Variants in DPYD observed in about 807,000 individuals in gnomAD.
The protein encoded by DPYD is dihydropyrimidine dehydrogenase [NADP(+)].
Under a neutral mutation model 116.2 loss-of-function variants are expected in DPYD, and 109 were observed. That is an observed-to-expected ratio of 0.94 (90% CI 0.80 to 1.10). The LOEUF is 1.10. Ranked by LOEUF, DPYD falls within the 50% of genes least tolerant of loss-of-function variation. The pLI, the probability that DPYD is intolerant of heterozygous loss-of-function variation, is 0.00. For missense variants in DPYD, 1,302 were observed against 1,254.5 expected, an observed-to-expected ratio of 1.04 and a Z score of -0.57; for synonymous variants, 440 against 432.0, an observed-to-expected ratio of 1.02 and a Z score of -0.23.
In DPYD at chr1:97,739,504, A is replaced by T. The variant is rs957359955; in HGVS notation, c.321+888T>A. The stretch of plus-strand genomic sequence containing the variant: ...TCTTTCAAGACCCTAAATTTATATA[A>T]AAGTATTTATCATTTTTCTCCTAAA... On this transcript the variant is annotated intron_variant, in intron 4 of 22. Coordinates refer to ENST00000370192, the MANE Select transcript of DPYD (RefSeq NM_000110.4). Among the ~76,000 whole-genome samples, 6 of 152,148 alleles carry T rather than the reference A, an allele frequency of 3.9e-5. No homozygotes were observed. In the East Asian group the frequency reaches 7.7e-4, roughly 20 times the overall value.
chr1:97,665,646 C>A (rs549526233), intron 8 of DPYD, among the ~76,000 whole-genome samples: 2 of 152,222 alleles, frequency 1.3e-5, no homozygotes, highest in African/African-American at 4.8e-5. Context: ...TATTCAATAT[C>A]CAGGTATTTT....
At chr1:97,363,919 G>A (rs774408060) in intron 16 of DPYD, among the ~76,000 whole-genome samples, 1 of 152,170 alleles carries the variant, frequency 6.6e-6, no homozygotes, top group Non-Finnish European at 1.5e-5. Flanking sequence ...CCTGCACGTT[G>A]TGCACATGTA....
At chr1:97,753,991 A>AT (rs1368193032) in intron 3 of DPYD, among the ~76,000 whole-genome samples, 1 of 152,146 alleles carries the variant, frequency 6.6e-6, no homozygotes, top group Non-Finnish European at 1.5e-5. Flanking sequence ...CTATAACCTC[A>AT]TGCAAGCTTT....
At chr1:97,157,389 A>C (rs1022731086) in intron 20 of DPYD, among the ~76,000 whole-genome samples, 3 of 152,144 alleles carry the variant, frequency 2.0e-5, no homozygotes, top group African/African-American at 7.2e-5. Context: ...ATCCCTTTTC[A>C]GTGTATTACC....
chr1:97,469,482 A>AT (rs1459500319), intron 13 of DPYD, among the ~76,000 whole-genome samples: 1 of 149,746 alleles, frequency 6.7e-6, no homozygotes, highest in African/African-American at 2.5e-5. Context: ...GTTGTAGTTG[A>AT]TTTTTTAAAA....
intron 2 of DPYD, among the ~76,000 whole-genome samples, chr1:97,846,385 T>A (rs566030351): frequency 6.6e-6 from 1 of 152,350 alleles, no homozygotes; most frequent in East Asian, 1.9e-4. Context: ...AGCAAATGAT[T>A]GAACCTAAGG....
intron 8 of DPYD, among the ~76,000 whole-genome samples, chr1:97,649,823 G>C (rs889977584): frequency 6.6e-6 from 1 of 151,906 alleles, no homozygotes; most frequent in Non-Finnish European, 1.5e-5. Context: ...CAGAAACTGG[G>C]ACACAGGCGA....
chr1:97,226,783 A>G (rs1661197590), intron 19 of DPYD, among the ~76,000 whole-genome samples: 2 of 152,208 alleles, frequency 1.3e-5, no homozygotes, highest in Non-Finnish European at 2.9e-5. Flanking sequence ...CAATAGTGTT[A>G]AAATATCCAT....
intron 20 of DPYD, among the ~76,000 whole-genome samples, chr1:97,115,852 C>T (rs1651926627): frequency 1.3e-5 from 2 of 152,018 alleles, no homozygotes; most frequent in South Asian, 2.1e-4. Context: ...AGACCTGAGG[C>T]CCACTTCTAA....
intron 19 of DPYD, among the ~76,000 whole-genome samples, chr1:97,195,491 G>A (rs1658688705): frequency 7.6e-6 from 1 of 131,064 alleles, no homozygotes; most frequent in Non-Finnish European, 1.6e-5. Context: ...AAACATACTA[G>A]GAGGTTCCAG....
At chr1:97,837,976 A>G (rs1186578391) in intron 2 of DPYD, among the ~76,000 whole-genome samples, 1 of 152,138 alleles carries the variant, frequency 6.6e-6, no homozygotes, top group Non-Finnish European at 1.5e-5. Flanking sequence ...CCAATTTTCT[A>G]TATTTCTTAT....
At chr1:97,140,400 C>T (rs966047138) in intron 20 of DPYD, among the ~76,000 whole-genome samples, 1 of 152,064 alleles carries the variant, frequency 6.6e-6, no homozygotes, top group African/African-American at 2.4e-5. Context: ...AATGCCGAAG[C>T]ATAGGAAATC....
chr1:97,736,838 G>C (rs1045064950), intron 4 of DPYD, among the ~76,000 whole-genome samples: 2 of 142,118 alleles, frequency 1.4e-5, no homozygotes, highest in Non-Finnish European at 3.0e-5. Context: ...GTGGGGGTGT[G>C]TGTGTGTGCA....
At chr1:97,113,261 T>C (rs986435272) in intron 20 of DPYD, among the ~76,000 whole-genome samples, 1 of 152,160 alleles carries the variant, frequency 6.6e-6, no homozygotes, top group Non-Finnish European at 1.5e-5. Flanking sequence ...CTCTCTGTTA[T>C]CTAGGGATGG....
intron 8 of DPYD, among the ~76,000 whole-genome samples, chr1:97,672,274 T>C (rs923501936): frequency 3.9e-5 from 6 of 152,268 alleles, no homozygotes; most frequent in Admixed American, 3.3e-4. Flanking sequence ...CCAGCCCCCA[T>C]TGCCTGCTTC....
chr1:97,098,070 G>T (rs1371288760), intron 21 of DPYD, among the ~76,000 whole-genome samples: 1 of 152,098 alleles, frequency 6.6e-6, no homozygotes, highest in Non-Finnish European at 1.5e-5. Context: ...CCAAACCAGA[G>T]AAAGTTTTTC....
intron 18 of DPYD, among the ~76,000 whole-genome samples, chr1:97,261,708 A>G (rs1242065866): frequency 1.3e-5 from 2 of 152,018 alleles, no homozygotes; most frequent in African/African-American, 4.8e-5. Flanking sequence ...AACTTAGGCT[A>G]GGCAGGCATT....
chr1:97,554,636 G>C (rs1203644318), intron 11 of DPYD, among the ~76,000 whole-genome samples: 2 of 152,054 alleles, frequency 1.3e-5, no homozygotes, highest in Admixed American at 6.6e-5. Context: ...TAATTACAAG[G>C]CCAGGATATC....
At chr1:97,645,407 T>A (rs1193340874) in intron 8 of DPYD, among the ~76,000 whole-genome samples, 1 of 152,122 alleles carries the variant, frequency 6.6e-6, no homozygotes, top group Non-Finnish European at 1.5e-5. Context: ...AATTTCCTTT[T>A]TTGTGAAATA....
Sources: gnomAD v4.1 joint callset for allele counts (sites outside exome capture counted in the v4.1 genomes callset) on GRCh38, gnomAD v4.1.1 for gene constraint, MANE v1.5 for transcripts, NCBI Gene and HGNC (gene_info 2026-07-23, HGNC 2026-07-21) for gene names.